CHD2: variants seen among roughly 807,000 people sequenced by gnomAD.
CHD2 encodes the protein ATP-dependent chromatin remodeler CHD2.
In CHD2, 28 loss-of-function variants were observed where a neutral mutation model predicts 243.9. The ratio of observed to expected loss-of-function variants is 0.11; its 90% CI spans 0.09 to 0.16. The LOEUF is 0.16. Ranked by LOEUF, CHD2 falls within the 10% of genes least tolerant of loss-of-function variation. The pLI, the probability that CHD2 is intolerant of heterozygous loss-of-function variation, is 1.00. For missense variants in CHD2, 1,386 were observed against 2,209.8 expected (o/e 0.63, Z 7.47); for synonymous variants, 775 against 779.0 (o/e 0.99, Z 0.09).
At chr15:92,903,091 ACT>A (rs1462336524) in intron 2 of CHD2, among the ~76,000 whole-genome samples, 4 of 152,072 alleles carry the variant, frequency 2.6e-5, no homozygotes, top group Non-Finnish European at 4.4e-5. Context: ...AATATTTAAG[ACT>A]CTTTGAAAAG....
At chr15:92,941,026 G>A (rs2053373701) in intron 7 of CHD2, among the ~76,000 whole-genome samples, 2 of 141,682 alleles carry the variant, frequency 1.4e-5, no homozygotes, top group Non-Finnish European at 3.0e-5. Flanking sequence ...TTTTGAGACG[G>A]AGTCTTGCTG....
chr15:92,908,353 T>C (rs1347386786), intron 2 of CHD2, among the ~76,000 whole-genome samples: 2 of 152,226 alleles, frequency 1.3e-5, no homozygotes, highest in Non-Finnish European at 2.9e-5. Flanking sequence ...CTTAGCATAA[T>C]GCCGAACATG....
At chr15:92,974,388 T>C (rs1394640786) in intron 19 of CHD2, among the ~76,000 whole-genome samples, 1 of 152,218 alleles carries the variant, frequency 6.6e-6, no homozygotes, top group Non-Finnish European at 1.5e-5. Context: ...TTTCAATGAT[T>C]CAGCAAAATG....
Position 92,939,724 on chromosome 15 carries a change from T to C in CHD2, c.692+6T>C, listed in dbSNP as rs909331808. 1.9e-6 allele frequency: 3 copies of C among 1,612,524 alleles called. No individual in the cohort carries two copies. The Admixed American group carries it at 5.0e-5, about 27-fold the overall frequency. On this transcript the variant is annotated splice_donor_region_variant and intron_variant, in intron 7 of 38. Transcript: ENST00000394196. The stretch of plus-strand genomic sequence containing the variant: ...AGAGCGGCTAAAAACGTTAGGTAAG[T>C]TGTACCCCAGAAGTGTTTCACTGGT...
intron 33 of CHD2, 94 bp downstream of exon 33, chr15:93,002,411 A>G: frequency 6.5e-7 from 1 of 1,530,816 alleles, no homozygotes; most frequent in Non-Finnish European, 8.7e-7. Flanking sequence ...GCCCTGGAAT[A>G]ATTGTCTTTT....
At position 92,924,490 on chromosome 15, in the gene CHD2, G is replaced by C. The variant is rs2053019549; in HGVS notation, c.232G>C (p.Val78Leu). 1 of 1,614,120 alleles carries C rather than the reference G, an allele frequency of 6.2e-7. No individual in the cohort carries two copies. Among genetic ancestry groups the C allele is most frequent in the Non-Finnish European group, 8.5e-7 (1 of 1,180,028 alleles). ...ATCAGCAGGTTCCAAATCCCAGCCA[G>C]TCCTCCCAGAAGCCAAAGAGAAGCC... ...SESAGSKSQP[V>L]LPEAKEKPAS... Residue 78 changes from valine to leucine, a missense_variant, in exon 3 of 39, where the codon GTC becomes CTC. Physicochemically the swap from Val to Leu is conservative, Grantham distance 32 (BLOSUM62 1). Coordinates refer to ENST00000394196, the MANE Select transcript of CHD2 (RefSeq NM_001271.4).
At chr15:92,907,204 A>C (rs756984829) in intron 2 of CHD2, among the ~76,000 whole-genome samples, 1 of 152,228 alleles carries the variant, frequency 6.6e-6, no homozygotes, top group Admixed American at 6.5e-5. Flanking sequence ...AGTGAGGGAC[A>C]AGGCTTTTCT....
At chr15:92,906,130 A>C (rs1442602302) in intron 2 of CHD2, among the ~76,000 whole-genome samples, 1 of 152,184 alleles carries the variant, frequency 6.6e-6, no homozygotes, top group Non-Finnish European at 1.5e-5. Context: ...TCTTGCAGCC[A>C]ATTAAGTTTT....
intron 16 of CHD2, 55 bp downstream of exon 16, chr15:92,956,704 C>T (rs1384228650): frequency 1.3e-6 from 2 of 1,505,062 alleles, no homozygotes; most frequent in Non-Finnish European, 1.8e-6. Context: ...AATGCCAATG[C>T]TTTTTAACTT....
At chr15:92,904,320 G>A in intron 2 of CHD2, 2 of 396,646 alleles carry the variant, frequency 5.0e-6, no homozygotes, top group Non-Finnish European at 6.9e-6. Flanking sequence ...GGTGCTGATT[G>A]GCTGTGCGCG....
intron 5 of CHD2, among the ~76,000 whole-genome samples, chr15:92,930,160 A>G (rs2053139272): frequency 6.6e-6 from 1 of 152,106 alleles, no homozygotes; most frequent in Non-Finnish European, 1.5e-5. Context: ...TTGGGAGACT[A>G]TTATCTGCTT....
At chr15:93,000,459 G>C (rs763167260) in intron 31 of CHD2, 53 bp from the exon 32 acceptor site, 5 of 1,541,202 alleles carry the variant, frequency 3.2e-6, no homozygotes, top group Non-Finnish European at 4.4e-6. Context: ...GTTTGGTTAT[G>C]CTTTTGAGTG....
chr15:92,904,398 C>T (rs540723803), intron 2 of CHD2: 1 of 971,028 alleles, frequency 1.0e-6, no homozygotes, highest in African/African-American at 1.8e-5. Context: ...CAGACGGCTC[C>T]CCTGGGGGGC....
chr15:93,024,745 C>T lies in CHD2; in HGVS notation c.*40C>T, dbSNP rs200578618. 2.0e-6 allele frequency: 3 copies of T among 1,532,584 alleles called. No homozygotes were observed. Among genetic ancestry groups the T allele is most frequent in the Admixed American group, 1.9e-5 (1 of 51,594 alleles). The allele number at this position is 1,532,584 out of a possible 1,614,324, so 94.9% of individuals were successfully genotyped here. A position where few individuals can be genotyped will look rare whatever the true frequency, so the allele number is the denominator to read the frequency against. On this transcript the variant is annotated 3_prime_UTR_variant, in exon 39 of 39. Coordinates refer to ENST00000394196, the MANE Select transcript of CHD2 (RefSeq NM_001271.4). Reference sequence around the variant, plus strand: ...AGGAGAGAGTAAGAGTCACCAAACACGTGGATATTTTTGGTCTGATCCTAC... The same window carrying T: ...AGGAGAGAGTAAGAGTCACCAAACATGTGGATATTTTTGGTCTGATCCTAC...
chr15:93,005,714 T>G (rs2054311782), intron 34 of CHD2, among the ~76,000 whole-genome samples: 4 of 152,202 alleles, frequency 2.6e-5, no homozygotes, highest in Admixed American at 2.6e-4. Context: ...TTAAGTCTCT[T>G]TTTTGCCTGT....
intron 12 of CHD2, 51 bp downstream of exon 12, chr15:92,946,267 A>G: frequency 6.8e-7 from 1 of 1,465,970 alleles, no homozygotes; most frequent in Non-Finnish European, 9.3e-7. Flanking sequence ...ATACTGATAA[A>G]GAGGATTGGA....
chr15:92,993,581 A>AGAAATAGGAATG (rs2054149747), intron 28 of CHD2, among the ~76,000 whole-genome samples: 1 of 151,912 alleles, frequency 6.6e-6, no homozygotes, highest in East Asian at 1.9e-4. Flanking sequence ...CAAGAGGTAT[A>AGAAATAGGAATG]GGAATGCTTG....
intron 9 of CHD2, 45 bp from the exon 10 acceptor site, chr15:92,944,370 C>A: frequency 8.7e-7 from 1 of 1,153,576 alleles, no homozygotes; most frequent in Non-Finnish European, 1.3e-6. Context: ...TGTGGATCCC[C>A]AGACTTTAGT....
intron 5 of CHD2, among the ~76,000 whole-genome samples, chr15:92,930,125 G>A (rs1242500625): frequency 6.6e-6 from 1 of 152,164 alleles, no homozygotes; most frequent in Non-Finnish European, 1.5e-5. Context: ...GAAGGCTTTT[G>A]TTCTGCCCCA....
Sources: allele counts gnomAD v4.1 joint callset (sites outside exome capture counted in the v4.1 genomes callset), GRCh38; gene constraint gnomAD v4.1.1; transcripts MANE v1.5; gene names NCBI Gene and HGNC (gene_info 2026-07-23, HGNC 2026-07-21).